The following CRISPLD2 variants were observed in gnomAD, a reference collection of about 807,000 sequenced individuals.
CRISPLD2 encodes cysteine-rich secretory protein LCCL domain-containing 2.
A neutral mutation model predicts 71.1 loss-of-function variants in CRISPLD2; 47 were observed. The observed-to-expected ratio is 0.66, with a 90% CI of 0.52 to 0.84. The LOEUF (loss-of-function observed/expected upper bound fraction) is 0.84, where lower values mean the gene tolerates loss of function less well. Among genes scored for constraint, CRISPLD2 ranks in the 40% least tolerant of loss-of-function variants. The pLI is 0.00. For missense variants in CRISPLD2, 830 were observed against 651.1 expected (o/e 1.27, Z -2.99); for synonymous variants, 317 against 250.1 (o/e 1.27, Z -2.52).
At position 84,874,109 on chromosome 16, in the gene CRISPLD2, G is replaced by A. The variant is rs980342940; in HGVS notation, c.1156+146G>A. ...ATCATTGTCAAGCCTTTTTCAAGAC[G>A]TCATCTCTTTAACCAGCTTCTAAGA... On this transcript the variant is annotated intron_variant, in intron 11 of 14. Coordinates refer to ENST00000262424, the MANE Select transcript of CRISPLD2 (RefSeq NM_031476.4). 1.0e-4 allele frequency: 81 copies of A among 777,956 alleles called. 1 individual carries two copies. Among genetic ancestry groups the A allele is most frequent in the Admixed American group, 3.1e-4 (12 of 38,242 alleles). The allele number at this position is 777,956 out of a possible 1,614,324, so 48.2% of individuals were successfully genotyped here.
rs759021868 is a variant in CRISPLD2 at position 84,850,678 on chromosome 16, T to C, written c.603T>C (p.Ser201=). ...ENAVYFVCNY[S]PKGNWIGEAP... is the part of the protein sequence containing the mutation. Reference sequence around the variant, plus strand: ...CGGTCTACTTTGTCTGCAATTATTCTCCAAAGTAAGACAAGTTGATGCCGT... The same window carrying C: ...CGGTCTACTTTGTCTGCAATTATTCCCCAAAGTAAGACAAGTTGATGCCGT... The change falls in exon 5 of 15, where the codon TCT becomes TCC. Residue 201 remains serine, a synonymous_variant. Transcript: ENST00000262424. The C allele has an allele frequency of 6.2e-7, 1 of 1,612,786 alleles. No homozygotes were observed. The highest frequency in any genetic ancestry group is 8.5e-7 in the Non-Finnish European group (1 of 1,178,770).
intron 1 of CRISPLD2, among the ~76,000 whole-genome samples, chr16:84,833,849 C>T (rs1199018878): frequency 2.0e-5 from 3 of 152,166 alleles, no homozygotes; most frequent in Admixed American, 2.0e-4. Context: ...AGGCCCGTGC[C>T]CTGACTCCCC....
At chr16:84,874,371 A>G (rs1391300441) in intron 11 of CRISPLD2, among the ~76,000 whole-genome samples, 6 of 152,240 alleles carry the variant, frequency 3.9e-5, no homozygotes, top group African/African-American at 1.4e-4. Flanking sequence ...AATGTCTGCC[A>G]TGAGCAAGAG....
intron 7 of CRISPLD2, among the ~76,000 whole-genome samples, 173 bp downstream of exon 7, chr16:84,867,213 A>T (rs936253978): frequency 1.3e-5 from 2 of 152,196 alleles, no homozygotes; most frequent in African/African-American, 4.8e-5. Context: ...CAAAAACGAT[A>T]TTTTTAAGTC....
intron 6 of CRISPLD2, among the ~76,000 whole-genome samples, chr16:84,856,714 C>G (rs185846053): frequency 1.3e-5 from 2 of 152,178 alleles, no homozygotes; most frequent in African/African-American, 4.8e-5. Context: ...GTATTGTCAC[C>G]TAGTTGGCAT....
At chr16:84,855,634 C>G (rs982031563) in intron 6 of CRISPLD2, among the ~76,000 whole-genome samples, 5 of 152,142 alleles carry the variant, frequency 3.3e-5, no homozygotes, top group Admixed American at 2.6e-4. Context: ...ACAGACACAC[C>G]CAGGATCAGT....
intron 6 of CRISPLD2, among the ~76,000 whole-genome samples, chr16:84,859,060 G>C (rs1917315438): frequency 6.6e-6 from 1 of 152,196 alleles, no homozygotes; most frequent in Non-Finnish European, 1.5e-5. Flanking sequence ...GTCCCTCCAG[G>C]GATGCGATAT....
At chr16:84,868,409 G>T (rs1215024625) in intron 7 of CRISPLD2, among the ~76,000 whole-genome samples, 1 of 152,202 alleles carries the variant, frequency 6.6e-6, no homozygotes, top group Non-Finnish European at 1.5e-5. Flanking sequence ...GATGACTCGG[G>T]TGAGCCTGGC....
chr16:84,878,800 C>G (rs1357189319), intron 12 of CRISPLD2, among the ~76,000 whole-genome samples: 1 of 152,210 alleles, frequency 6.6e-6, no homozygotes, highest in East Asian at 1.9e-4. Context: ...TAGATGTTCC[C>G]CAGGGTTCAG....
At chr16:84,885,195 A>G (rs893909536) in intron 13 of CRISPLD2, among the ~76,000 whole-genome samples, 1 of 152,222 alleles carries the variant, frequency 6.6e-6, no homozygotes. Context: ...GAACGTATCC[A>G]AGCACCAAGG....
At position 84,868,831 on chromosome 16, in the gene CRISPLD2, T is replaced by C. The variant is rs1917613280; in HGVS notation, c.854-20T>C. On this transcript the variant is annotated intron_variant, in intron 7 of 14. Coordinates refer to ENST00000262424, the MANE Select transcript of CRISPLD2 (RefSeq NM_031476.4). Reference sequence around the variant, plus strand: ...TCCTGGTTTCGTGCCGTGACATGTATTCCCGCATTTCTCTCCTAGCCCAAG... The same window carrying C: ...TCCTGGTTTCGTGCCGTGACATGTACTCCCGCATTTCTCTCCTAGCCCAAG... 1 of 1,609,360 alleles carries C rather than the reference T, an allele frequency of 6.2e-7. No homozygotes were observed. The highest frequency in any genetic ancestry group is 8.5e-7 in the Non-Finnish European group (1 of 1,176,602).
chr16:84,879,959 G>A (rs977248346), intron 12 of CRISPLD2, among the ~76,000 whole-genome samples: 5 of 152,176 alleles, frequency 3.3e-5, no homozygotes, highest in Admixed American at 2.6e-4. Context: ...CCCATTTCCA[G>A]TTTGAGGTGC....
intron 14 of CRISPLD2, among the ~76,000 whole-genome samples, chr16:84,900,626 A>G (rs574495243): frequency 6.6e-6 from 1 of 152,256 alleles, no homozygotes; most frequent in South Asian, 2.1e-4. Context: ...TATGCAGGGC[A>G]GGTTGGCAGC....
intron 10 of CRISPLD2, chr16:84,873,352 C>T (rs1170169194): frequency 1.2e-4 from 40 of 339,850 alleles, no homozygotes; most frequent in Admixed American, 4.9e-5. Flanking sequence ...GTGGCAGGCA[C>T]CTGTAATCCC....
At chr16:84,838,991 C>T (rs960095687) in intron 2 of CRISPLD2, 5 of 610,868 alleles carry the variant, frequency 8.2e-6, no homozygotes, top group East Asian at 3.3e-5. Context: ...CGGGGTTAAG[C>T]GATCCTGCTT....
In CRISPLD2 at chr16:84,877,492, C is replaced by G. The variant is rs370393756; in HGVS notation, c.1211C>G (p.Pro404Arg). The G allele has an allele frequency of 1.9e-6, 3 of 1,613,792 alleles. No individual in the cohort carries two copies. Among genetic ancestry groups the G allele is most frequent in the Non-Finnish European group, 2.5e-6 (3 of 1,179,856 alleles). ...TVAQLCPFEKPATHCPRIHCP... is the reference protein window; with the variant it reads ...TVAQLCPFEKRATHCPRIHCP... ...GCTCAGCTGTGCCCGTTTGAAAAGC[C>G]AGCAACTCACTGCCCAAGGTAAGGC... The change falls in exon 12 of 15, where the codon CCA becomes CGA. Residue 404 changes from proline to arginine, a missense_variant. Coordinates refer to ENST00000262424, the MANE Select transcript of CRISPLD2 (RefSeq NM_031476.4).
At chr16:84,830,716 A>G (rs1438541241) in intron 1 of CRISPLD2, among the ~76,000 whole-genome samples, 1 of 152,138 alleles carries the variant, frequency 6.6e-6, no homozygotes, top group Non-Finnish European at 1.5e-5. Flanking sequence ...CTTAAAAAAA[A>G]AAAAAAGTCA....
At chr16:84,906,523 C>T (rs1345735542) in intron 14 of CRISPLD2, 65 bp from the exon 15 acceptor site, 19 of 1,573,326 alleles carry the variant, frequency 1.2e-5, no homozygotes, top group Middle Eastern at 4.6e-4. Context: ...CCCTGCCCAC[C>T]CAGAGTCCCT....
chr16:84,860,600 T>A (rs1917353039), intron 6 of CRISPLD2, among the ~76,000 whole-genome samples: 1 of 152,144 alleles, frequency 6.6e-6, no homozygotes, highest in African/African-American at 2.4e-5. Context: ...GCAGCGTGGG[T>A]CGGGGAGGAG....
Sources: gnomAD v4.1 joint callset for allele counts (sites outside exome capture counted in the v4.1 genomes callset) on GRCh38, gnomAD v4.1.1 for gene constraint, MANE v1.5 for transcripts, NCBI Gene and HGNC (gene_info 2026-07-23, HGNC 2026-07-21) for gene names.